The following PARN variants were observed in gnomAD, a reference collection of about 807,000 sequenced individuals.
PARN encodes the protein poly(A)-specific ribonuclease, also known as poly(A)-specific ribonuclease PARN.
Under a neutral mutation model 102.8 loss-of-function variants are expected in PARN, and 71 were observed. The observed-to-expected ratio is 0.69, with a 90% confidence interval of 0.57 to 0.84. The LOEUF is 0.84. Ranked by LOEUF, PARN falls within the 40% of genes least tolerant of loss-of-function variation. PARN has a pLI of 0.00. For missense variants in PARN, 782 were observed against 760.9 expected (o/e 1.03, Z -0.33); for synonymous variants, 261 against 252.9 (o/e 1.03, Z -0.30).
At chr16:14,456,910 C>T (rs1180824023) in intron 22 of PARN, among the ~76,000 whole-genome samples, 1 of 152,206 alleles carries the variant, frequency 6.6e-6, no homozygotes, top group Non-Finnish European at 1.5e-5. Flanking sequence ...CTCGCCTCTG[C>T]CTTGCCTCTT....
chr16:14,626,303 T>C (rs1304852451), intron 5 of PARN, among the ~76,000 whole-genome samples: 1 of 152,196 alleles, frequency 6.6e-6, no homozygotes, highest in Non-Finnish European at 1.5e-5. Flanking sequence ...CCAAGTCTTT[T>C]GTTTATTTTA....
At chr16:14,613,486 G>C (rs1289192628) in intron 6 of PARN, among the ~76,000 whole-genome samples, 1 of 152,064 alleles carries the variant, frequency 6.6e-6, no homozygotes, top group Non-Finnish European at 1.5e-5. Flanking sequence ...TGCCACGCGT[G>C]GTGCCACGCG....
At position 14,608,301 on chromosome 16, in the gene PARN, A is replaced by G. The variant is rs377042458; in HGVS notation, c.639T>C (p.Ile213=). The G allele has an allele frequency of 1.2e-5, 18 of 1,541,896 alleles. No homozygotes were observed. The African/African-American group carries it at 2.3e-4, about 20-fold the overall frequency. Residue 213 remains isoleucine, a synonymous_variant, in exon 9 of 24, where the codon ATT becomes ATC. Transcript: ENST00000437198. ...EPCTGFQRKL[I]YQTLSWKYPK... ...CTTACTTCCAGCTCAAAGTCTGATA[A>G]ATTAGTTTTCTTTGGAACCTATAAA... is the stretch of plus-strand genomic sequence containing the variant.
At chr16:14,575,397 C>T (rs922709397) in intron 18 of PARN, among the ~76,000 whole-genome samples, 2 of 152,204 alleles carry the variant, frequency 1.3e-5, no homozygotes, top group East Asian at 1.9e-4. Flanking sequence ...CATGGGAACT[C>T]GCCTCCTGCA....
intron 6 of PARN, among the ~76,000 whole-genome samples, chr16:14,615,219 A>G (rs1473612979): frequency 1.3e-5 from 2 of 151,964 alleles, no homozygotes; most frequent in Non-Finnish European, 2.9e-5. Flanking sequence ...AGTCCTGACT[A>G]TCGTGACTAA....
intron 22 of PARN, among the ~76,000 whole-genome samples, chr16:14,449,420 C>T (rs1339004552): frequency 6.6e-6 from 1 of 152,110 alleles, no homozygotes; most frequent in African/African-American, 2.4e-5. Flanking sequence ...TAAAACAAAA[C>T]GCGGGTGAAT....
intron 13 of PARN, among the ~76,000 whole-genome samples, chr16:14,587,292 A>C (rs1430737846): frequency 1.3e-5 from 2 of 152,174 alleles, no homozygotes; most frequent in African/African-American, 4.8e-5. Flanking sequence ...TCTCAATACC[A>C]CTAGAAAGCT....
intron 21 of PARN, among the ~76,000 whole-genome samples, chr16:14,502,876 G>C (rs1293079869): frequency 1.3e-5 from 2 of 152,162 alleles, no homozygotes; most frequent in African/African-American, 2.4e-5. Flanking sequence ...AGCCACTGAA[G>C]AACCACGGCT....
At chr16:14,525,015 G>A (rs1009103806) in intron 21 of PARN, among the ~76,000 whole-genome samples, 2 of 152,210 alleles carry the variant, frequency 1.3e-5, no homozygotes, top group African/African-American at 4.8e-5. Context: ...TTTTAAAACA[G>A]TCTATAACAG....
At chr16:14,510,124 C>T (rs1322770200) in intron 21 of PARN, among the ~76,000 whole-genome samples, 1 of 152,148 alleles carries the variant, frequency 6.6e-6, no homozygotes, top group Non-Finnish European at 1.5e-5. Flanking sequence ...GCTGCCAGGG[C>T]ATTTCAGGCA....
Position 14,468,759 on chromosome 16 carries a change from A to G in PARN, c.1670+13879T>C, listed in dbSNP as rs539539538. Among the ~76,000 whole-genome samples, 4 of 152,250 alleles carry G rather than the reference A, an allele frequency of 2.6e-5. No individual in the cohort carries two copies. In the South Asian group the frequency reaches 8.3e-4, roughly 32 times the overall value. On this transcript the variant is annotated intron_variant, in intron 22 of 23. Coordinates refer to ENST00000437198, the MANE Select transcript of PARN (RefSeq NM_002582.4). ...ATATAGAAAGTTTAAAGAACTATAC[A>G]GTACAGGCACAGTGATGTGTGACTG...
intron 1 of PARN, among the ~76,000 whole-genome samples, 168 bp downstream of exon 1, chr16:14,629,939 G>A (rs982858320): frequency 3.3e-5 from 5 of 152,226 alleles, no homozygotes; most frequent in Admixed American, 6.5e-5. Flanking sequence ...AGGGTGCACG[G>A]TCCGCAGCCG....
At chr16:14,619,934 G>C (rs1221923106) in intron 5 of PARN, among the ~76,000 whole-genome samples, 1 of 151,204 alleles carries the variant, frequency 6.6e-6, no homozygotes, top group Admixed American at 6.6e-5. Flanking sequence ...GCCAGGCGTG[G>C]TGGTGCACGC....
chr16:14,545,963 G>GA (rs1204924105), intron 21 of PARN, among the ~76,000 whole-genome samples: 4 of 151,388 alleles, frequency 2.6e-5, no homozygotes, highest in African/African-American at 4.9e-5. Flanking sequence ...AGTAAAAGGA[G>GA]AAAAAAAACA....
intron 18 of PARN, among the ~76,000 whole-genome samples, chr16:14,572,802 CT>C (rs1968889146): frequency 6.6e-6 from 1 of 152,098 alleles, no homozygotes; most frequent in Admixed American, 6.5e-5. Flanking sequence ...AACATAGTTT[CT>C]TTTTCATTAA....
chr16:14,447,247 A>C (rs1181576664), intron 22 of PARN, among the ~76,000 whole-genome samples, 166 bp from the exon 23 acceptor site: 3 of 152,208 alleles, frequency 2.0e-5, no homozygotes, highest in Non-Finnish European at 4.4e-5. Flanking sequence ...TATGAACTGA[A>C]GTCTGAAAGT....
At chr16:14,458,139 C>T (rs1168713679) in intron 22 of PARN, among the ~76,000 whole-genome samples, 2 of 152,136 alleles carry the variant, frequency 1.3e-5, no homozygotes, top group East Asian at 3.8e-4. Flanking sequence ...TGTCAACTCA[C>T]TTTAACACAG....
Position 14,592,222 on chromosome 16 carries a change from AAAG to A in PARN, c.918+1076_918+1078del, listed in dbSNP as rs1970241094. On this transcript the variant is annotated intron_variant, in intron 13 of 23. Coordinates refer to ENST00000437198, the MANE Select transcript of PARN (RefSeq NM_002582.4). ...AGTGGTTTGGAGACAGTAAGAAAGA[AAAG>A]AAGTACAAGTTAAATATCTCATTTG... 3 of 152,232 alleles carry A rather than the reference AAAG, an allele frequency of 2.0e-5. No homozygotes were observed. In the South Asian group the frequency reaches 6.2e-4, roughly 32 times the overall value. 9.4% of individuals were successfully genotyped at this position (152,232 alleles called of 1,614,324 possible). A position where few individuals can be genotyped will look rare whatever the true frequency, so the allele number is the denominator to read the frequency against.
intron 11 of PARN, among the ~76,000 whole-genome samples, chr16:14,602,574 G>A (rs2151784678): frequency 6.6e-6 from 1 of 152,264 alleles, no homozygotes; most frequent in East Asian, 1.9e-4. Context: ...GGATGCCATG[G>A]TGCCCTGGTG....
Sources: allele counts gnomAD v4.1 joint callset (sites outside exome capture counted in the v4.1 genomes callset), GRCh38; gene constraint gnomAD v4.1.1; transcripts MANE v1.5; gene names NCBI Gene and HGNC (gene_info 2026-07-23, HGNC 2026-07-21).